Variants in COL5A2 observed in about 807,000 individuals in gnomAD.
COL5A2 encodes collagen alpha-2(V) chain.
In COL5A2, 23 loss-of-function variants were observed where a neutral mutation model predicts 208.2. The observed-to-expected ratio is 0.11, with a 90% CI of 0.08 to 0.16. The LOEUF is 0.16. Among genes scored for constraint, COL5A2 ranks in the 10% least tolerant of loss-of-function variants. The pLI is 1.00. For missense variants in COL5A2, 1,590 were observed against 1,956.4 expected, an observed-to-expected ratio of 0.81 and a Z score of 3.53; for synonymous variants, 625 against 628.5, an observed-to-expected ratio of 0.99 and a Z score of 0.08.
At chr2:189,289,902 C>T in the COL5A2 span, among the ~76,000 whole-genome samples, 3 of 152,126 alleles carry the variant, frequency 2.0e-5, no homozygotes, top group African/African-American at 7.2e-5. Flanking sequence ...AATGTCCATG[C>T]TACCCAAAGT....
the COL5A2 span, among the ~76,000 whole-genome samples, chr2:189,324,917 C>G: frequency 6.6e-6 from 1 of 152,122 alleles, no homozygotes; most frequent in African/African-American, 2.4e-5. Flanking sequence ...GGAACCAACC[C>G]AAATGTCCAA....
At chr2:189,257,886 G>A in the COL5A2 span, among the ~76,000 whole-genome samples, 1 of 152,064 alleles carries the variant, frequency 6.6e-6, no homozygotes, top group East Asian at 1.9e-4. Flanking sequence ...AGGCCAAGTC[G>A]GGCAGATCAC....
intron 1 of COL5A2, among the ~76,000 whole-genome samples, chr2:189,160,103 A>G (rs1255676599): frequency 2.0e-5 from 3 of 152,068 alleles, no homozygotes; most frequent in African/African-American, 7.2e-5. Flanking sequence ...GTAAGATACA[A>G]TTGAGAGAGC....
chr2:189,312,562 C>T, the COL5A2 span, among the ~76,000 whole-genome samples: 6 of 152,304 alleles, frequency 3.9e-5, no homozygotes, highest in Admixed American at 3.3e-4. Context: ...AGCAAGAGGA[C>T]AGGACTCAGG....
the COL5A2 span, among the ~76,000 whole-genome samples, chr2:189,287,521 G>C: frequency 1.3e-5 from 2 of 152,080 alleles, no homozygotes; most frequent in African/African-American, 2.4e-5. Flanking sequence ...TATAATCCCA[G>C]TCATCTCAAA....
intron 50 of COL5A2, 84 bp downstream of exon 50, chr2:189,041,502 A>G (rs1685559047): frequency 4.6e-6 from 5 of 1,092,640 alleles, no homozygotes; most frequent in African/African-American, 3.1e-5. Context: ...TCTCTTGTCA[A>G]TCGGGCTGCA....
intron 20 of COL5A2, 41 bp downstream of exon 20, chr2:189,068,185 A>T: frequency 6.2e-7 from 1 of 1,609,004 alleles, no homozygotes; most frequent in East Asian, 2.2e-5. Context: ...CTAAAGAATC[A>T]TGCCCATTTG....
chr2:189,086,950 C>G (rs1686676187), intron 8 of COL5A2, among the ~76,000 whole-genome samples, 180 bp from the exon 9 acceptor site: 1 of 152,132 alleles, frequency 6.6e-6, no homozygotes, highest in Admixed American at 6.5e-5. Context: ...AAAGCTTGGA[C>G]AACATTTGGG....
At chr2:189,198,441 G>T (rs1393462092) in intron 1 of COL5A2, among the ~76,000 whole-genome samples, 1 of 152,056 alleles carries the variant, frequency 6.6e-6, no homozygotes, top group African/African-American at 2.4e-5. Context: ...AACTGGATGG[G>T]ATATGAATAG....
intron 1 of COL5A2, among the ~76,000 whole-genome samples, chr2:189,214,134 CA>C (rs1559147592): frequency 6.6e-6 from 1 of 151,956 alleles, no homozygotes; most frequent in African/African-American, 2.4e-5. Context: ...TTAAACATAT[CA>C]AAAAACCTTA....
At chr2:189,166,803 A>G (rs572826992) in intron 1 of COL5A2, among the ~76,000 whole-genome samples, 5 of 152,374 alleles carry the variant, frequency 3.3e-5, no homozygotes, top group Non-Finnish European at 7.3e-5. Flanking sequence ...AAATTACCAT[A>G]TAACAAGCTT....
Position 189,053,883 on chromosome 2 carries a change from A to G in COL5A2, c.2499+12T>C, listed in dbSNP as rs752789123. The G allele has an allele frequency of 5.0e-6, 8 of 1,610,336 alleles. No homozygotes were observed. In the South Asian group the frequency reaches 8.8e-5, roughly 18 times the overall value. ...ATCTCACACTAAAGAACACCAAAAT[A>G]CTGTCACTTACAGGATTGCCCCGGG... On this transcript the variant is annotated intron_variant, in intron 37 of 53. Transcript: ENST00000374866.
intron 53 of COL5A2, 66 bp from the exon 54 acceptor site, chr2:189,034,282 C>T (rs1409649398): frequency 8.5e-6 from 13 of 1,537,676 alleles, no homozygotes; most frequent in Non-Finnish European, 1.1e-5. Context: ...TAGACAGCAA[C>T]CTTCCCAGAC....
chr2:189,366,453 T>C, the COL5A2 span, among the ~76,000 whole-genome samples: 1 of 152,212 alleles, frequency 6.6e-6, no homozygotes, highest in African/African-American at 2.4e-5. Context: ...AGAAAGCTGC[T>C]AAACACCACC....
chr2:189,380,324 A>G, the COL5A2 span, among the ~76,000 whole-genome samples: 1 of 151,978 alleles, frequency 6.6e-6, no homozygotes, highest in African/African-American at 2.4e-5. Context: ...TAAAATATCT[A>G]AAAGAATAAC....
intron 49 of COL5A2, 89 bp from the exon 50 acceptor site, chr2:189,041,782 A>G: frequency 1.3e-6 from 1 of 773,030 alleles, no homozygotes; most frequent in Non-Finnish European, 2.3e-6. Flanking sequence ...TTACATATGG[A>G]GCTGTAACAG....
chr2:189,235,756 GC>G, the COL5A2 span, among the ~76,000 whole-genome samples: 1 of 151,614 alleles, frequency 6.6e-6, no homozygotes, highest in Non-Finnish European at 1.5e-5. Context: ...CCAGTTTGGA[GC>G]TCATGCAGAA....
chr2:189,403,200 G>A, the COL5A2 span, among the ~76,000 whole-genome samples: 1 of 152,138 alleles, frequency 6.6e-6, no homozygotes, highest in African/African-American at 2.4e-5. Flanking sequence ...TTCGTGATTT[G>A]GCTCTTGGCT....
the COL5A2 span, among the ~76,000 whole-genome samples, chr2:189,417,121 T>C: frequency 6.6e-6 from 1 of 152,194 alleles, no homozygotes; most frequent in African/African-American, 2.4e-5. Flanking sequence ...ATTTTAAACG[T>C]TCTTCTAGAT....
Sources: gnomAD v4.1 joint callset for allele counts (sites outside exome capture counted in the v4.1 genomes callset) on GRCh38, gnomAD v4.1.1 for gene constraint, MANE v1.5 for transcripts, NCBI Gene and HGNC (gene_info 2026-07-23, HGNC 2026-07-21) for gene names.